The following FMN1 variants were observed in gnomAD, a reference collection of about 807,000 sequenced individuals.
The protein encoded by FMN1 is formin-1.
Under a neutral mutation model 132.4 loss-of-function variants are expected in FMN1, and 110 were observed. The observed-to-expected ratio is 0.83, with a 90% CI of 0.71 to 0.97. The LOEUF (loss-of-function observed/expected upper bound fraction) is 0.97, where lower values mean the gene tolerates loss of function less well. FMN1 is among the 50% of genes least tolerant of loss of function. FMN1 has a pLI of 0.00. For synonymous variants in FMN1, 722 were observed against 651.7 expected (o/e 1.11, Z -1.64); for missense variants, 1,792 against 1,705.3 (o/e 1.05, Z -0.90).
intron 6 of FMN1, among the ~76,000 whole-genome samples, chr15:33,051,551 A>G (rs537071730): frequency 7.9e-5 from 12 of 152,290 alleles, no homozygotes; most frequent in Admixed American, 4.6e-4. Flanking sequence ...CCCAATAGAT[A>G]TAAACACCTG....
chr15:33,066,699 T>C (rs759579212), intron 5 of FMN1: 11 of 1,613,736 alleles, frequency 6.8e-6, no homozygotes, highest in Admixed American at 3.3e-5. Context: ...TCTGGCGACT[T>C]TGGCTTGACC....
chr15:32,821,680 G>A (rs1353586071), intron 17 of FMN1, among the ~76,000 whole-genome samples: 6 of 151,948 alleles, frequency 3.9e-5, no homozygotes, highest in African/African-American at 2.4e-5. Context: ...TTGAACTCCT[G>A]ACCTCATGAT....
chr15:32,819,591 T>C (rs1026556455), intron 17 of FMN1, among the ~76,000 whole-genome samples: 5 of 152,212 alleles, frequency 3.3e-5, no homozygotes, highest in Non-Finnish European at 7.3e-5. Flanking sequence ...GCATATTTTA[T>C]ATGGGACACA....
At position 33,013,799 on chromosome 15, in the gene FMN1, CAAAGG is replaced by C. The variant is rs942261167; in HGVS notation, c.2162-5729_2162-5725del. 2.6e-4 allele frequency among the ~76,000 whole-genome samples: 39 copies of C among 152,260 alleles called. 1 individual carries two copies. The highest frequency in any genetic ancestry group is 6.8e-3 in the Middle Eastern group (2 of 292). On this transcript the variant is annotated intron_variant, in intron 6 of 20. Coordinates refer to ENST00000616417, the MANE Select transcript of FMN1 (RefSeq NM_001277313.2). ...CAATTCCAAGCTTCTACAAAGTAGT[CAAAGG>C]AAAGCTACTTAAACCAAGCTTCTTG...
Position 32,770,426 on chromosome 15 carries a change from A to G in FMN1, c.*3884T>C, listed in dbSNP as rs2056194104. 6.6e-6 allele frequency: 1 copy of G among 152,172 alleles called. No individual in the cohort carries two copies. The allele number at this position is 152,172 out of a possible 1,614,324, so 9.4% of individuals were successfully genotyped here. A position where few individuals can be genotyped will look rare whatever the true frequency, so the allele number is the denominator to read the frequency against. ...GCAAACATCATAGAGAAAATGTGCA[A>G]TCCCAGGCCAATAAGCAAATCTTTG... On this transcript the variant is annotated 3_prime_UTR_variant, in exon 21 of 21. Coordinates refer to ENST00000616417, the MANE Select transcript of FMN1 (RefSeq NM_001277313.2).
At chr15:32,775,465 A>G (rs1349005264) in intron 20 of FMN1, among the ~76,000 whole-genome samples, 3 of 152,176 alleles carry the variant, frequency 2.0e-5, no homozygotes, top group African/African-American at 7.2e-5. Flanking sequence ...GCTTGGCTGT[A>G]AAAGTCTGGA....
At chr15:32,797,558 A>G (rs954592268) in intron 19 of FMN1, among the ~76,000 whole-genome samples, 1 of 152,090 alleles carries the variant, frequency 6.6e-6, no homozygotes, top group Non-Finnish European at 1.5e-5. Context: ...ATTTTTTTTC[A>G]TGTTATTATC....
At chr15:32,784,777 A>G (rs2056794786) in intron 19 of FMN1, among the ~76,000 whole-genome samples, 1 of 152,200 alleles carries the variant, frequency 6.6e-6, no homozygotes, top group Non-Finnish European at 1.5e-5. Context: ...TGGGGCACCC[A>G]TTTATTTCCC....
intron 17 of FMN1, chr15:32,837,457 T>A (rs2058654084): frequency 6.6e-6 from 1 of 152,572 alleles, no homozygotes; most frequent in South Asian, 2.1e-4. Context: ...ATATGCTTGA[T>A]CCATCAGAAA....
chr15:32,934,589 ATTT>A (rs954101498), intron 9 of FMN1, among the ~76,000 whole-genome samples: 2 of 138,496 alleles, frequency 1.4e-5, no homozygotes, highest in African/African-American at 5.4e-5. Flanking sequence ...CTGAAAGACA[ATTT>A]TTTTCCTTTT....
chr15:33,152,976 A>G, intron 4 of FMN1, 72 bp downstream of exon 4: 3 of 1,393,588 alleles, frequency 2.2e-6, no homozygotes, highest in Non-Finnish European at 2.8e-6. Context: ...TCAGTTTCTA[A>G]GTAGCACAGG....
At chr15:33,115,285 C>T (rs908415321) in intron 4 of FMN1, among the ~76,000 whole-genome samples, 1 of 152,120 alleles carries the variant, frequency 6.6e-6, no homozygotes, top group South Asian at 2.1e-4. Flanking sequence ...CAATGGGACA[C>T]TTCTCATGGG....
Position 33,030,001 on chromosome 15 carries a change from C to CA in FMN1, c.2162-21927dup, listed in dbSNP as rs1032468388. Among the ~76,000 whole-genome samples, 6 of 152,106 alleles carry CA rather than the reference C, an allele frequency of 3.9e-5. No individual in the cohort carries two copies. The East Asian group carries it at 5.8e-4, about 15-fold the overall frequency. ...TGAAACCCCGTCTCTACTAAAAATA[C>CA]AAAAAAAATAGCTGGGCGTGGTGGC... On this transcript the variant is annotated intron_variant, in intron 6 of 20. Coordinates refer to ENST00000616417, the MANE Select transcript of FMN1 (RefSeq NM_001277313.2).
chr15:32,886,985 C>T (rs1456557382), intron 16 of FMN1, among the ~76,000 whole-genome samples: 1 of 151,516 alleles, frequency 6.6e-6, no homozygotes, highest in East Asian at 1.9e-4. Context: ...TTCATTCAAC[C>T]ACATCAATGG....
chr15:33,128,920 T>TATTGGTCCACTTTACAGAGTGCTG (rs1963409497), intron 4 of FMN1, among the ~76,000 whole-genome samples: 1 of 120,368 alleles, frequency 8.3e-6, no homozygotes, highest in African/African-American at 4.1e-5. Context: ...ATGCCCTGCT[T>TATTGGTCCACTTTACAGAGTGCTG]ATTGGTCCAT....
chr15:33,013,218 C>T (rs371348934), intron 6 of FMN1: 1 of 296,136 alleles, frequency 3.4e-6, no homozygotes, highest in East Asian at 8.4e-5. Context: ...TACAATACTC[C>T]CGTGTATGGG....
At chr15:33,102,483 C>T (rs1190500623) in intron 4 of FMN1, among the ~76,000 whole-genome samples, 3 of 151,988 alleles carry the variant, frequency 2.0e-5, no homozygotes. Flanking sequence ...CTTAAGTCAC[C>T]CCTAAATGAC....
intron 6 of FMN1, among the ~76,000 whole-genome samples, chr15:33,034,113 G>T (rs2036079333): frequency 1.3e-5 from 2 of 152,098 alleles, no homozygotes; most frequent in Non-Finnish European, 2.9e-5. Flanking sequence ...TATACATCTA[G>T]AGCTCAGAGC....
intron 7 of FMN1, among the ~76,000 whole-genome samples, chr15:32,980,361 T>C (rs1261790496): frequency 6.6e-6 from 1 of 152,118 alleles, no homozygotes; most frequent in South Asian, 2.1e-4. Flanking sequence ...GCTTTAGCTC[T>C]GCATAAGGCT....
Sources: gnomAD v4.1 joint callset for allele counts (sites outside exome capture counted in the v4.1 genomes callset) on GRCh38, gnomAD v4.1.1 for gene constraint, MANE v1.5 for transcripts, NCBI Gene and HGNC (gene_info 2026-07-23, HGNC 2026-07-21) for gene names.